Variants in SLC17A8 observed in about 807,000 individuals in gnomAD.
SLC17A8 encodes solute carrier family 17 member 8, also known as vesicular glutamate transporter 3.
A neutral mutation model predicts 58.0 loss-of-function variants in SLC17A8; 31 were observed. That is an observed-to-expected ratio of 0.53 (90% CI 0.40 to 0.72). The LOEUF is 0.72. Ranked by LOEUF, SLC17A8 falls within the 30% of genes least tolerant of loss-of-function variation. The pLI is 0.00. For missense variants in SLC17A8, 655 were observed against 727.8 expected (o/e 0.90, Z 1.15); for synonymous variants, 228 against 249.0 (o/e 0.92, Z 0.79).
chr12:100,403,278 G>A (rs1439199565), intron 8 of SLC17A8, among the ~76,000 whole-genome samples: 2 of 147,138 alleles, frequency 1.4e-5, no homozygotes, highest in East Asian at 5.9e-4. Context: ...GGACCAGCCT[G>A]ACCAACATGG....
chr12:100,414,054 A>C (rs1190748303), intron 10 of SLC17A8, among the ~76,000 whole-genome samples: 1 of 152,224 alleles, frequency 6.6e-6, no homozygotes, highest in South Asian at 2.1e-4. Context: ...TATATATATC[A>C]TAACATTGTG....
At chr12:100,418,536 G>A (rs1339122009) in intron 11 of SLC17A8, among the ~76,000 whole-genome samples, 1 of 152,144 alleles carries the variant, frequency 6.6e-6, no homozygotes, top group Admixed American at 6.5e-5. Context: ...CCATTGCTTA[G>A]CATGTTTCAG....
chr12:100,397,580 C>T (rs757128962), intron 5 of SLC17A8, among the ~76,000 whole-genome samples: 4 of 152,152 alleles, frequency 2.6e-5, no homozygotes, highest in Non-Finnish European at 5.9e-5. Flanking sequence ...AACAGAACAA[C>T]AACAGCACAT....
intron 4 of SLC17A8, among the ~76,000 whole-genome samples, chr12:100,395,484 C>T (rs1425479091): frequency 1.3e-5 from 2 of 152,086 alleles, no homozygotes; most frequent in East Asian, 3.9e-4. Flanking sequence ...TGCCACTGCA[C>T]CCGGCTAATT....
chr12:100,373,692 C>G (rs1952574733), intron 1 of SLC17A8, among the ~76,000 whole-genome samples: 2 of 148,690 alleles, frequency 1.3e-5, no homozygotes, highest in African/African-American at 2.5e-5. Flanking sequence ...TCAAGAGATT[C>G]TCCTGCCTCA....
At chr12:100,360,225 A>G (rs1196277432) in intron 1 of SLC17A8, among the ~76,000 whole-genome samples, 1 of 152,244 alleles carries the variant, frequency 6.6e-6, no homozygotes, top group Non-Finnish European at 1.5e-5. Context: ...ATAGTTTAGT[A>G]TTGAATTATA....
chr12:100,372,351 T>C (rs768629006), intron 1 of SLC17A8, among the ~76,000 whole-genome samples: 6 of 152,168 alleles, frequency 3.9e-5, no homozygotes, highest in Non-Finnish European at 7.4e-5. Flanking sequence ...TCTCTTTTTA[T>C]TTATGTATTT....
At chr12:100,387,703 G>A (rs923247944) in intron 2 of SLC17A8, among the ~76,000 whole-genome samples, 1 of 152,190 alleles carries the variant, frequency 6.6e-6, no homozygotes, top group African/African-American at 2.4e-5. Context: ...AGAAAATTAA[G>A]TCTCTCCAAG....
chr12:100,405,604 A>G (rs1372189239), intron 9 of SLC17A8, among the ~76,000 whole-genome samples: 3 of 152,122 alleles, frequency 2.0e-5, no homozygotes, highest in Non-Finnish European at 2.9e-5. Context: ...AGACAAGAAG[A>G]GATTCCGCCA....
intron 1 of SLC17A8, among the ~76,000 whole-genome samples, chr12:100,368,187 G>A (rs1253057843): frequency 2.0e-5 from 3 of 152,164 alleles, no homozygotes; most frequent in African/African-American, 7.2e-5. Flanking sequence ...CCAAACCCAA[G>A]GTGTTGGCAG....
chr12:100,361,078 C>A (rs1040798477), intron 1 of SLC17A8, among the ~76,000 whole-genome samples: 1 of 152,138 alleles, frequency 6.6e-6, no homozygotes, highest in Non-Finnish European at 1.5e-5. Flanking sequence ...TCAGGTGATC[C>A]TGGGTTCCAA....
chr12:100,408,358 A>T (rs1198512837), intron 9 of SLC17A8, among the ~76,000 whole-genome samples: 2 of 152,226 alleles, frequency 1.3e-5, no homozygotes, highest in Non-Finnish European at 2.9e-5. Flanking sequence ...GAACATGCAA[A>T]GTGTAACTGA....
intron 1 of SLC17A8, among the ~76,000 whole-genome samples, chr12:100,369,327 C>T (rs566164104): frequency 1.1e-3 from 163 of 152,220 alleles, no homozygotes; most frequent in Non-Finnish European, 1.9e-3. Context: ...GTTCAGACTT[C>T]CTGGAAGGAT....
chr12:100,357,086 G>A lies in SLC17A8; in HGVS notation c.-306G>A. ...AGAGGCTGCGCTCAGTCTGAGAGTG[G>A]CTGCCTGAGACAGCTGCCACAGGCT... On this transcript the variant is annotated 5_prime_UTR_variant, in exon 1 of 12. Coordinates refer to ENST00000323346, the MANE Select transcript of SLC17A8 (RefSeq NM_139319.3). 1 of 372,276 alleles carries A rather than the reference G, an allele frequency of 2.7e-6. No homozygotes were observed. The highest frequency in any genetic ancestry group is 5.2e-6 in the Non-Finnish European group (1 of 193,060). 23.1% of individuals were successfully genotyped at this position (372,276 alleles called of 1,614,324 possible).
At chr12:100,391,229 C>A in intron 3 of SLC17A8, 110 bp downstream of exon 3, 2 of 768,110 alleles carry the variant, frequency 2.6e-6, no homozygotes, top group Admixed American at 1.8e-5. Flanking sequence ...AAACAGGAGC[C>A]ATCTGGATAG....
chr12:100,357,098 A>G lies in SLC17A8; in HGVS notation c.-294A>G, dbSNP rs1952451086. ...CAGTCTGAGAGTGGCTGCCTGAGACAGCTGCCACAGGCTGCTGCAGAGCGT... is the reference window on the plus strand; with the variant it reads ...CAGTCTGAGAGTGGCTGCCTGAGACGGCTGCCACAGGCTGCTGCAGAGCGT... On this transcript the variant is annotated 5_prime_UTR_variant, in exon 1 of 12. Transcript: ENST00000323346. The G allele has an allele frequency of 2.6e-6, 1 of 381,400 alleles. No homozygotes were observed. The highest frequency in any genetic ancestry group is 5.0e-6 in the Non-Finnish European group (1 of 198,818). The allele number at this position is 381,400 out of a possible 1,614,324, so 23.6% of individuals were successfully genotyped here. A position where few individuals can be genotyped will look rare whatever the true frequency, so the allele number is the denominator to read the frequency against.
At chr12:100,411,181 GC>G (rs1291570123) in intron 9 of SLC17A8, among the ~76,000 whole-genome samples, 12 of 152,272 alleles carry the variant, frequency 7.9e-5, no homozygotes, top group African/African-American at 2.6e-4. Context: ...AGGGGAAGAG[GC>G]CAGGGGTGGT....
At chr12:100,368,506 AT>A (rs1189875153) in intron 1 of SLC17A8, among the ~76,000 whole-genome samples, 1 of 152,142 alleles carries the variant, frequency 6.6e-6, no homozygotes. Context: ...CAACATATCT[AT>A]TTTGGAGGAC....
intron 1 of SLC17A8, among the ~76,000 whole-genome samples, chr12:100,378,606 A>G (rs1952610550): frequency 6.6e-6 from 1 of 152,110 alleles, no homozygotes; most frequent in South Asian, 2.1e-4. Flanking sequence ...AGGGAGGAGA[A>G]CATAATGAAT....
Sources: gnomAD v4.1 joint callset for allele counts (sites outside exome capture counted in the v4.1 genomes callset) on GRCh38, gnomAD v4.1.1 for gene constraint, MANE v1.5 for transcripts, NCBI Gene and HGNC (gene_info 2026-07-23, HGNC 2026-07-21) for gene names.